Variants in ETV1 observed in about 807,000 individuals in gnomAD.
ETV1 encodes ETS translocation variant 1.
A neutral mutation model predicts 62.3 loss-of-function variants in ETV1; 27 were observed. That is an observed-to-expected ratio of 0.43 (90% CI 0.32 to 0.60). ETV1 has a LOEUF of 0.60. Among genes scored for constraint, ETV1 ranks in the 20% least tolerant of loss-of-function variants. The pLI, the probability that ETV1 is intolerant of heterozygous loss-of-function variation, is 0.06. For missense variants in ETV1, 605 were observed against 605.8 expected, an observed-to-expected ratio of 1.00 and a Z score of 0.01; for synonymous variants, 222 against 199.6, an observed-to-expected ratio of 1.11 and a Z score of -0.94.
intron 9 of ETV1, among the ~76,000 whole-genome samples, chr7:13,921,467 C>T (rs1019006507): frequency 7.2e-5 from 11 of 152,016 alleles, no homozygotes; most frequent in Admixed American, 6.6e-4. Flanking sequence ...TCCTTGACTC[C>T]GAAGGGGAAA....
At chr7:13,979,523 T>G (rs1167359333) in intron 5 of ETV1, among the ~76,000 whole-genome samples, 1 of 152,072 alleles carries the variant, frequency 6.6e-6, no homozygotes, top group Admixed American at 6.6e-5. Context: ...AAGTAAGTCT[T>G]CATATCAAAA....
rs535794815 is a variant in ETV1 at position 13,975,442 on chromosome 7, A to AGGCTGAGGCAGGAGAAT, written c.235+1968_235+1984dup. ...ATGCCTGTAGTCCCAGCTACTCGGG[A>AGGCTGAGGCAGGAGAAT]GGCTGAGGCAGGAGAATGGCTGAGG... On this transcript the variant is annotated intron_variant, in intron 6 of 13. Coordinates refer to ENST00000430479, the MANE Select transcript of ETV1 (RefSeq NM_004956.5). Among the ~76,000 whole-genome samples, 1,326 of 151,786 alleles carry AGGCTGAGGCAGGAGAAT rather than the reference A, an allele frequency of 8.7e-3. 23 individuals are homozygous for AGGCTGAGGCAGGAGAAT. Among genetic ancestry groups the AGGCTGAGGCAGGAGAAT allele is most frequent in the East Asian group, 0.041 (211 of 5,118 alleles).
At chr7:13,937,789 C>A (rs1056760712) in intron 7 of ETV1, among the ~76,000 whole-genome samples, 3 of 152,216 alleles carry the variant, frequency 2.0e-5, no homozygotes, top group Non-Finnish European at 2.9e-5. Flanking sequence ...CTACAAGAGA[C>A]CTTTTTTATA....
At chr7:13,981,611 TA>T (rs1390083011) in intron 5 of ETV1, among the ~76,000 whole-genome samples, 1 of 151,724 alleles carries the variant, frequency 6.6e-6, no homozygotes, top group Non-Finnish European at 1.5e-5. Flanking sequence ...CTTGCATGTA[TA>T]AAACTAAGGA....
chr7:13,931,758 T>G lies in ETV1; in HGVS notation c.555-9A>C, dbSNP rs747096926. On this transcript the variant is annotated splice_polypyrimidine_tract_variant and intron_variant, in intron 8 of 13. Transcript: ENST00000430479. The stretch of plus-strand genomic sequence containing the variant: ...AAAGCTGGCGGCGAAATCTAGGGAA[T>G]AAGAGAGTGTGTTTCAGATGAAACG... 1 of 1,612,780 alleles carries G rather than the reference T, an allele frequency of 6.2e-7. No homozygotes were observed. Among genetic ancestry groups the G allele is most frequent in the East Asian group, 2.2e-5 (1 of 44,850 alleles).
At chr7:13,973,198 C>A in intron 6 of ETV1, among the ~76,000 whole-genome samples, 1 of 152,198 alleles carries the variant, frequency 6.6e-6, no homozygotes, top group East Asian at 1.9e-4. Flanking sequence ...TTGCTCTTCA[C>A]TCTCTTAACC....
intron 6 of ETV1, among the ~76,000 whole-genome samples, chr7:13,939,984 A>T (rs1025180365): frequency 6.6e-6 from 1 of 152,344 alleles, no homozygotes; most frequent in Admixed American, 6.5e-5. Context: ...ATGTTTAATA[A>T]CGTACAAAGC....
intron 9 of ETV1, among the ~76,000 whole-genome samples, chr7:13,917,022 G>C (rs1482129029): frequency 6.6e-6 from 1 of 151,738 alleles, no homozygotes; most frequent in African/African-American, 2.4e-5. Flanking sequence ...CTGAATTTAC[G>C]TGCTTTTGAA....
At chr7:13,910,320 T>G (rs1783437120) in intron 10 of ETV1, among the ~76,000 whole-genome samples, 1 of 145,510 alleles carries the variant, frequency 6.9e-6, no homozygotes, top group African/African-American at 2.5e-5. Flanking sequence ...CTCTCTCAAA[T>G]ATCCTTCACT....
At position 13,891,369 on chromosome 7, in the gene ETV1, T is replaced by C; in HGVS notation, c.*4497A>G. ...AGTGAATTAAAAATTTTCTTCCCCA[T>C]AGAAGCATAAATATAATTTTAGAAT... On this transcript the variant is annotated 3_prime_UTR_variant, in exon 14 of 14. Transcript: ENST00000430479. 4.3e-6 allele frequency: 1 copy of C among 231,358 alleles called. No individual in the cohort carries two copies. The highest frequency in any genetic ancestry group is 6.2e-5 in the East Asian group (1 of 16,206). The allele number at this position is 231,358 out of a possible 1,614,324, so 14.3% of individuals were successfully genotyped here. A position where few individuals can be genotyped will look rare whatever the true frequency, so the allele number is the denominator to read the frequency against.
intron 5 of ETV1, among the ~76,000 whole-genome samples, chr7:13,982,918 C>A (rs1250609465): frequency 6.6e-6 from 1 of 151,872 alleles, no homozygotes; most frequent in Non-Finnish European, 1.5e-5. Context: ...GCACATATTA[C>A]TTATGATTTT....
chr7:13,908,209 A>T (rs901462838), intron 11 of ETV1, among the ~76,000 whole-genome samples: 1 of 152,152 alleles, frequency 6.6e-6, no homozygotes, highest in Non-Finnish European at 1.5e-5. Context: ...AAAATGTTTT[A>T]TTAGTGTAAA....
intron 6 of ETV1, among the ~76,000 whole-genome samples, chr7:13,969,356 G>A (rs1253982861): frequency 1.3e-5 from 2 of 151,992 alleles, no homozygotes; most frequent in African/African-American, 4.8e-5. Context: ...TGATTCCCTA[G>A]TATATTTTAA....
chr7:13,898,301 G>T (rs886107742), intron 13 of ETV1, among the ~76,000 whole-genome samples: 2 of 152,174 alleles, frequency 1.3e-5, no homozygotes, highest in African/African-American at 4.8e-5. Context: ...TAGCTTTAGA[G>T]CTGTGCTTTC....
chr7:13,975,322 G>A (rs529233064), intron 6 of ETV1, among the ~76,000 whole-genome samples: 8 of 152,054 alleles, frequency 5.3e-5, no homozygotes, highest in Middle Eastern at 3.4e-3. Flanking sequence ...CAAGGCGGGC[G>A]GATCACGAGG....
chr7:13,910,997 G>C (rs1048027173), intron 10 of ETV1, among the ~76,000 whole-genome samples: 4 of 152,044 alleles, frequency 2.6e-5, no homozygotes, highest in Non-Finnish European at 4.4e-5. Flanking sequence ...TGTGGTTGTT[G>C]GCAAAAAAGA....
chr7:13,989,550 T>G lies in ETV1; in HGVS notation c.-285+13A>C, dbSNP rs1583925138. 5.0e-6 allele frequency: 2 copies of G among 399,046 alleles called. No homozygotes were observed. The highest frequency in any genetic ancestry group is 3.6e-5 in the East Asian group (1 of 28,052). 24.7% of individuals were successfully genotyped at this position (399,046 alleles called of 1,614,324 possible). A position where few individuals can be genotyped will look rare whatever the true frequency, so the allele number is the denominator to read the frequency against. On this transcript the variant is annotated intron_variant, in intron 1 of 13. Transcript: ENST00000430479. ...TATCTGGAGAGACATAAAAAGTTGTTGGAAAGACCCACCTGAAGGCCACGC... is the reference window on the plus strand; with the variant it reads ...TATCTGGAGAGACATAAAAAGTTGTGGGAAAGACCCACCTGAAGGCCACGC...
intron 8 of ETV1, 39 bp downstream of exon 8, chr7:13,935,669 C>T: frequency 6.3e-7 from 1 of 1,575,076 alleles, no homozygotes; most frequent in Non-Finnish European, 8.7e-7. Context: ...TCCAAGAACG[C>T]AAAAAACAGT....
chr7:13,978,235 A>G (rs1259203734), intron 5 of ETV1, among the ~76,000 whole-genome samples: 2 of 152,192 alleles, frequency 1.3e-5, no homozygotes, highest in African/African-American at 2.4e-5. Context: ...AGTCAAGGAA[A>G]AATACTGAAT....
Sources: allele counts gnomAD v4.1 joint callset (sites outside exome capture counted in the v4.1 genomes callset), GRCh38; gene constraint gnomAD v4.1.1; transcripts MANE v1.5; gene names NCBI Gene and HGNC (gene_info 2026-07-23, HGNC 2026-07-21).